The following PCDHAC1 variants were observed in gnomAD, a reference collection of about 807,000 sequenced individuals.
PCDHAC1 encodes protocadherin alpha-C1.
In PCDHAC1, 42 loss-of-function variants were observed where a neutral mutation model predicts 60.0. The observed-to-expected ratio is 0.70, with a 90% CI of 0.55 to 0.90. The LOEUF (loss-of-function observed/expected upper bound fraction) is 0.90. PCDHAC1 is among the 40% of genes least tolerant of loss of function. The pLI is 0.00. For missense variants in PCDHAC1, 1,160 were observed against 1,222.3 expected, an observed-to-expected ratio of 0.95 and a Z score of 0.76; for synonymous variants, 468 against 499.3, an observed-to-expected ratio of 0.94 and a Z score of 0.84.
intron 2 of PCDHAC1, 148 bp from the exon 3 acceptor site, chr5:140,982,327 C>T: frequency 7.0e-7 from 1 of 1,419,146 alleles, no homozygotes; most frequent in Non-Finnish European, 9.4e-7. Context: ...AGGGTGACTG[C>T]TCAGCAGTAA....
intron 3 of PCDHAC1, among the ~76,000 whole-genome samples, chr5:140,993,152 C>A (rs932484139): frequency 2.6e-4 from 39 of 152,142 alleles, no homozygotes; most frequent in African/African-American, 9.2e-4. Context: ...TAAATGGATT[C>A]TAAATATTTG....
intron 1 of PCDHAC1, among the ~76,000 whole-genome samples, chr5:140,944,781 G>T (rs1404959208): frequency 6.6e-6 from 1 of 152,114 alleles, no homozygotes; most frequent in Non-Finnish European, 1.5e-5. Context: ...TCCTGTTATT[G>T]TATTTTACAA....
intron 1 of PCDHAC1, among the ~76,000 whole-genome samples, chr5:140,953,847 A>G (rs1165540937): frequency 6.6e-6 from 1 of 152,200 alleles, no homozygotes. Flanking sequence ...CCAGGTAAAC[A>G]TGTGCCATGG....
At position 140,967,211 on chromosome 5, in the gene PCDHAC1, C is replaced by T. The variant is rs549238768; in HGVS notation, c.2434-11738C>T. On this transcript the variant is annotated intron_variant, in intron 1 of 3. Transcript: ENST00000253807. ...CATCAACGACAACTCACCGCGTTTC[C>T]CGCGGCCCAACTACCAGCTTCAGGT... 1.1e-5 allele frequency: 18 copies of T among 1,613,676 alleles called. No individual in the cohort carries two copies. The East Asian group carries it at 3.3e-4, about 30-fold the overall frequency.
At chr5:140,993,462 T>TCACACACA (rs3836747) in intron 3 of PCDHAC1, among the ~76,000 whole-genome samples, 2,160 of 141,010 alleles carry the variant, frequency 0.015, 29 homozygotes, top group Admixed American at 0.024. Flanking sequence ...TCTTTCTTTC[T>TCACACACA]CACACACACA....
intron 1 of PCDHAC1, among the ~76,000 whole-genome samples, chr5:140,963,536 T>G (rs2095772178): frequency 6.6e-6 from 1 of 152,230 alleles, no homozygotes; most frequent in African/African-American, 2.4e-5. Flanking sequence ...TCCCATTTAC[T>G]TCATGATATA....
chr5:140,961,438 A>G (rs888082906), intron 1 of PCDHAC1, among the ~76,000 whole-genome samples: 2 of 152,194 alleles, frequency 1.3e-5, no homozygotes, highest in South Asian at 4.1e-4. Context: ...AAAATCACCT[A>G]ACTACACTGT....
At chr5:140,972,909 G>T (rs999939821) in intron 1 of PCDHAC1, among the ~76,000 whole-genome samples, 18 of 151,942 alleles carry the variant, frequency 1.2e-4, no homozygotes, top group African/African-American at 4.4e-4. Flanking sequence ...TGATCCACCC[G>T]CCTTGGCCTC....
chr5:141,000,417 ATATATTTTTTT>A (rs2097924314), intron 3 of PCDHAC1, among the ~76,000 whole-genome samples: 12 of 77,748 alleles, frequency 1.5e-4, no homozygotes, highest in Non-Finnish European at 2.3e-4. Flanking sequence ...ATATATATAT[ATATATTTTTTT>A]TTTTTTTTTT....
chr5:140,954,845 C>G (rs1479368081), intron 1 of PCDHAC1, among the ~76,000 whole-genome samples: 2 of 152,140 alleles, frequency 1.3e-5, no homozygotes, highest in African/African-American at 2.4e-5. Flanking sequence ...AAATCTTTGC[C>G]TGTGCCTATG....
Position 140,953,939 on chromosome 5 carries a change from A to G in PCDHAC1, c.2433+24614A>G, listed in dbSNP as rs544318515. ...TATTCTTCCTGATGCTCTCCCTCCCATTGCTCCCCCAACAGGCCCCAGTGT... is the reference window on the plus strand; with the variant it reads ...TATTCTTCCTGATGCTCTCCCTCCCGTTGCTCCCCCAACAGGCCCCAGTGT... On this transcript the variant is annotated intron_variant, in intron 1 of 3. Coordinates refer to ENST00000253807, the MANE Select transcript of PCDHAC1 (RefSeq NM_018898.5). Among the ~76,000 whole-genome samples the G allele has an allele frequency of 2.8e-3, 420 of 151,700 alleles. 4 individuals carry two copies. The highest frequency in any genetic ancestry group is 4.8e-3 in the Non-Finnish European group (324 of 67,900).
intron 3 of PCDHAC1, among the ~76,000 whole-genome samples, chr5:141,006,105 G>GTT (rs79904017): frequency 1.9e-4 from 27 of 143,364 alleles, no homozygotes; most frequent in Middle Eastern, 3.8e-3. Flanking sequence ...ATGGTAAGGA[G>GTT]TTTTTTTTTT....
At chr5:140,978,805 T>G in intron 1 of PCDHAC1, 144 bp from the exon 2 acceptor site, 4 of 1,492,524 alleles carry the variant, frequency 2.7e-6, no homozygotes, top group Non-Finnish European at 3.6e-6. Flanking sequence ...GTAGATATCA[T>G]CATAGAGTTA....
chr5:140,975,601 GA>G (rs781785883), intron 1 of PCDHAC1, among the ~76,000 whole-genome samples: 1 of 152,192 alleles, frequency 6.6e-6, no homozygotes, highest in Non-Finnish European at 1.5e-5. Flanking sequence ...GCAATTTGTT[GA>G]TGTCTTCCAC....
intron 1 of PCDHAC1, among the ~76,000 whole-genome samples, chr5:140,959,117 G>A (rs2095468242): frequency 6.6e-6 from 1 of 152,174 alleles, no homozygotes; most frequent in South Asian, 2.1e-4. Flanking sequence ...CCGAAGGTGG[G>A]CGAGGTGAGC....
At chr5:140,965,973 G>A (rs1234636252) in intron 1 of PCDHAC1, among the ~76,000 whole-genome samples, 6 of 152,194 alleles carry the variant, frequency 3.9e-5, no homozygotes, top group African/African-American at 1.4e-4. Flanking sequence ...TGCCCTAGGA[G>A]TTGAGCACTT....
chr5:141,005,697 G>A (rs1197870932), intron 3 of PCDHAC1, among the ~76,000 whole-genome samples: 75 of 78,728 alleles, frequency 9.5e-4, no homozygotes, highest in Admixed American at 6.2e-4. Context: ...GCGAAACTCC[G>A]TCTCAAAAAA....
At chr5:140,941,214 C>CTTTCTTTCTTTCTTTCTTT (rs1554214039) in intron 1 of PCDHAC1, among the ~76,000 whole-genome samples, 2,124 of 122,372 alleles carry the variant, frequency 0.017, 57 homozygotes, top group East Asian at 0.032. Flanking sequence ...TTTCTTTCTT[C>CTTTCTTTCTTTCTTTCTTT]CTTTCTTTCT....
At chr5:141,007,395 C>CAAAAA (rs35800918) in intron 3 of PCDHAC1, among the ~76,000 whole-genome samples, 20 of 94,830 alleles carry the variant, frequency 2.1e-4, no homozygotes, top group South Asian at 3.5e-4. Context: ...TACTAAAATA[C>CAAAAA]AAAAAAAAAA....
Sources: allele counts gnomAD v4.1 joint callset (sites outside exome capture counted in the v4.1 genomes callset), GRCh38; gene constraint gnomAD v4.1.1; transcripts MANE v1.5; gene names NCBI Gene and HGNC (gene_info 2026-07-23, HGNC 2026-07-21).